DLC1: variants seen among roughly 807,000 people sequenced by gnomAD.
DLC1 encodes the protein rho GTPase-activating protein 7.
Under a neutral mutation model 140.3 loss-of-function variants are expected in DLC1, and 54 were observed. That is an observed-to-expected ratio of 0.38 (90% CI 0.31 to 0.48). DLC1 has a LOEUF of 0.48. DLC1 is among the 20% of genes least tolerant of loss of function. DLC1 has a pLI of 0.96. For missense variants in DLC1, 2,536 were observed against 1,907.0 expected (o/e 1.33, Z -6.14); for synonymous variants, 986 against 728.1 (o/e 1.35, Z -5.70).
At chr8:13,207,591 A>G (rs966825619) in intron 5 of DLC1, among the ~76,000 whole-genome samples, 3 of 152,010 alleles carry the variant, frequency 2.0e-5, no homozygotes, top group African/African-American at 7.3e-5. Flanking sequence ...ACTCAACCTT[A>G]AAAATAGACA....
At chr8:13,212,409 CAG>C (rs1317406190) in intron 5 of DLC1, among the ~76,000 whole-genome samples, 1 of 152,146 alleles carries the variant, frequency 6.6e-6, no homozygotes, top group Non-Finnish European at 1.5e-5. Context: ...TTCATGAGGA[CAG>C]GGGTTGCCTC....
chr8:13,459,688 C>G (rs1799571856), intron 2 of DLC1, among the ~76,000 whole-genome samples: 1 of 152,110 alleles, frequency 6.6e-6, no homozygotes, highest in Non-Finnish European at 1.5e-5. Flanking sequence ...CAGCCAAGTT[C>G]CAGAAGGGCT....
intron 3 of DLC1, among the ~76,000 whole-genome samples, chr8:13,394,040 G>C (rs1051952991): frequency 6.6e-6 from 1 of 152,182 alleles, no homozygotes; most frequent in African/African-American, 2.4e-5. Context: ...GTGTGACCTT[G>C]AATCACTCAC....
chr8:13,322,722 C>A (rs1833176156), intron 4 of DLC1, among the ~76,000 whole-genome samples: 1 of 152,142 alleles, frequency 6.6e-6, no homozygotes, highest in Admixed American at 6.5e-5. Context: ...AGAATCAGTT[C>A]TAAGAAGTAA....
At chr8:13,276,388 T>TG in intron 5 of DLC1, 1 of 1,500,656 alleles carries the variant, frequency 6.7e-7, no homozygotes, top group Non-Finnish European at 8.9e-7. Flanking sequence ...ACGTGGGCCT[T>TG]GGGGTCCCCC....
chr8:13,353,276 T>C (rs2117040156), intron 4 of DLC1: 1 of 151,834 alleles, frequency 6.6e-6, no homozygotes, highest in Non-Finnish European at 1.5e-5. Context: ...CATCTAAAGA[T>C]TTTTTTTTCC....
At chr8:13,589,699 T>C (rs1805451569) in intron 1 of DLC1, among the ~76,000 whole-genome samples, 1 of 151,930 alleles carries the variant, frequency 6.6e-6, no homozygotes, top group South Asian at 2.1e-4. Flanking sequence ...GTTTTTTTTT[T>C]TTCACAGATT....
intron 2 of DLC1, among the ~76,000 whole-genome samples, chr8:13,460,550 C>T (rs74631496): frequency 0.033 from 5,066 of 152,266 alleles, 274 homozygotes; most frequent in African/African-American, 0.11. Context: ...CAGTCCAAGG[C>T]AACAAGTGTC....
intron 1 of DLC1, among the ~76,000 whole-genome samples, chr8:13,588,101 C>A (rs1805392395): frequency 6.6e-6 from 1 of 152,030 alleles, no homozygotes; most frequent in African/African-American, 2.4e-5. Context: ...CCCAGTTCTT[C>A]CAAATGGAAG....
intron 1 of DLC1, among the ~76,000 whole-genome samples, chr8:13,543,411 A>G (rs974271290): frequency 1.3e-5 from 2 of 152,130 alleles, no homozygotes; most frequent in Non-Finnish European, 2.9e-5. Context: ...TTTTGATATA[A>G]TGACTTCTTT....
chr8:13,205,623 A>G (rs1180562773), intron 5 of DLC1, among the ~76,000 whole-genome samples: 2 of 152,260 alleles, frequency 1.3e-5, no homozygotes, highest in Admixed American at 6.5e-5. Context: ...AAAAAAAAAT[A>G]GCAAAAAATT....
intron 1 of DLC1, among the ~76,000 whole-genome samples, chr8:13,550,048 A>G (rs997555624): frequency 6.6e-6 from 1 of 152,152 alleles, no homozygotes; most frequent in Non-Finnish European, 1.5e-5. Context: ...CTAGTCTGAG[A>G]AACAGGCAAC....
intron 5 of DLC1, among the ~76,000 whole-genome samples, chr8:13,179,803 A>G (rs1309252107): frequency 1.3e-5 from 2 of 152,112 alleles, no homozygotes; most frequent in African/African-American, 4.8e-5. Flanking sequence ...ATAAAGAAAT[A>G]GATATTAAAC....
intron 5 of DLC1, among the ~76,000 whole-genome samples, chr8:13,182,235 G>C (rs1417053959): frequency 6.7e-6 from 1 of 149,632 alleles, no homozygotes; most frequent in Non-Finnish European, 1.5e-5. Context: ...GATTCAGATG[G>C]GTAGATTGCA....
chr8:13,496,572 A>G (rs1293497946), intron 2 of DLC1, among the ~76,000 whole-genome samples: 1 of 129,146 alleles, frequency 7.7e-6, no homozygotes, highest in African/African-American at 2.8e-5. Context: ...ACATTCATAT[A>G]TATATACACA....
chr8:13,599,605 G>C (rs1222414962), intron 1 of DLC1, among the ~76,000 whole-genome samples: 1 of 151,958 alleles, frequency 6.6e-6, no homozygotes, highest in Non-Finnish European at 1.5e-5. Context: ...GGAAGTTGAA[G>C]AAGTCATTTA....
At chr8:13,237,211 G>GTGTC (rs1407947237) in intron 5 of DLC1, among the ~76,000 whole-genome samples, 1 of 128,734 alleles carries the variant, frequency 7.8e-6, no homozygotes, top group African/African-American at 2.8e-5. Context: ...GTGTGTGTGT[G>GTGTC]TGTGTGTGTG....
intron 4 of DLC1, chr8:13,338,573 T>G (rs1729111): frequency 0.84 from 127,494 of 151,888 alleles, 54,687 homozygotes; most frequent in East Asian, 0.98. Context: ...CCTTTACCAA[T>G]GACTCTTTTT....
At chr8:13,114,285 C>A (rs1359552924) in intron 6 of DLC1, among the ~76,000 whole-genome samples, 1 of 152,204 alleles carries the variant, frequency 6.6e-6, no homozygotes, top group Non-Finnish European at 1.5e-5. Context: ...TCGCTTGAAC[C>A]CGGGAGGCAG....
Sources: gnomAD v4.1 joint callset for allele counts (sites outside exome capture counted in the v4.1 genomes callset) on GRCh38, gnomAD v4.1.1 for gene constraint, MANE v1.5 for transcripts, NCBI Gene and HGNC (gene_info 2026-07-23, HGNC 2026-07-21) for gene names.